The following PM20D1 variants were observed in gnomAD, a reference collection of about 807,000 sequenced individuals.
PM20D1 encodes peptidase M20 domain containing 1.
PM20D1 carries 53 observed loss-of-function variants against 53.8 expected under a neutral mutation model. The observed-to-expected ratio is 0.98, with a 90% CI of 0.79 to 1.24. The LOEUF is 1.24. Ranked by LOEUF, PM20D1 falls within the 50% of genes most tolerant of loss-of-function variation. The pLI, the probability that PM20D1 is intolerant of heterozygous loss-of-function variation, is 0.00. For synonymous variants in PM20D1, 239 were observed against 241.3 expected (o/e 0.99, Z 0.09); for missense variants, 564 against 616.8 (o/e 0.91, Z 0.91).
intron 5 of PM20D1, 138 bp downstream of exon 5, chr1:205,843,949 G>A: frequency 6.8e-7 from 1 of 1,468,192 alleles, no homozygotes; most frequent in Non-Finnish European, 9.2e-7. Context: ...AAGCCTAGGA[G>A]AGGTTAAAGA....
At chr1:205,839,661 C>T (rs974597924) in intron 10 of PM20D1, among the ~76,000 whole-genome samples, 13 of 151,972 alleles carry the variant, frequency 8.6e-5, no homozygotes, top group South Asian at 4.2e-4. Context: ...CTGGCTAACA[C>T]GGTGAAACAC....
chr1:205,829,317 C>A (rs1202832072), intron 12 of PM20D1, among the ~76,000 whole-genome samples: 2 of 152,158 alleles, frequency 1.3e-5, no homozygotes, highest in Non-Finnish European at 2.9e-5. Flanking sequence ...GTGTGAGTCA[C>A]CACACTTGGC....
chr1:205,845,230 T>C, intron 3 of PM20D1, 95 bp downstream of exon 3: 1 of 1,272,600 alleles, frequency 7.9e-7, no homozygotes, highest in South Asian at 1.3e-5. Flanking sequence ...CAAGATTCTT[T>C]TTACCATTAT....
At chr1:205,844,687 A>G in intron 4 of PM20D1, 124 bp downstream of exon 4, 1 of 786,744 alleles carries the variant, frequency 1.3e-6, no homozygotes, top group Non-Finnish European at 2.0e-6. Flanking sequence ...AGACACACGG[A>G]GAAGTTGGCA....
At chr1:205,842,794 C>A (rs1340329045) in intron 6 of PM20D1, 43 bp from the exon 7 acceptor site, 1 of 1,583,174 alleles carries the variant, frequency 6.3e-7, no homozygotes, top group African/African-American at 1.3e-5. Flanking sequence ...GAACCCCAGC[C>A]AAAGATCAGT....
intron 10 of PM20D1, among the ~76,000 whole-genome samples, chr1:205,839,636 G>C (rs1656758879): frequency 6.6e-6 from 1 of 152,020 alleles, no homozygotes; most frequent in Non-Finnish European, 1.5e-5. Context: ...ACAAGGTCAG[G>C]AGATCAAGAC....
At chr1:205,829,274 C>A (rs776321249) in intron 12 of PM20D1, among the ~76,000 whole-genome samples, 4 of 152,180 alleles carry the variant, frequency 2.6e-5, no homozygotes, top group Non-Finnish European at 4.4e-5. Context: ...AGTGAGCCTC[C>A]TGCCTCAGCC....
intron 8 of PM20D1, 124 bp from the exon 9 acceptor site, chr1:205,842,013 G>T: frequency 1.7e-6 from 2 of 1,196,412 alleles, no homozygotes; most frequent in Non-Finnish European, 2.4e-6. Context: ...TCTTAGAGAT[G>T]TCTTAAATAT....
chr1:205,830,002 A>G, intron 12 of PM20D1: 1 of 330,348 alleles, frequency 3.0e-6, no homozygotes. Context: ...AGCTGGGATT[A>G]GCACCCAAGG....
chr1:205,840,178 A>G (rs1656775112), intron 10 of PM20D1, 74 bp downstream of exon 10: 2 of 1,368,620 alleles, frequency 1.5e-6, no homozygotes, highest in Non-Finnish European at 2.0e-6. Context: ...CTAGGACTGT[A>G]GTTAAACCCG....
At chr1:205,828,773 G>A in intron 12 of PM20D1, 30 bp from the exon 13 acceptor site, 1 of 1,613,032 alleles carries the variant, frequency 6.2e-7, no homozygotes, top group Non-Finnish European at 8.5e-7. Context: ...TTTAGGGAAG[G>A]AGGGGAGGGC....
chr1:205,836,032 T>A (rs1206515706), intron 10 of PM20D1, among the ~76,000 whole-genome samples: 1 of 152,078 alleles, frequency 6.6e-6, no homozygotes, highest in African/African-American at 2.4e-5. Context: ...CCCACCACCA[T>A]GCCCAGCTAA....
chr1:205,849,756 G>A (rs1358237032), intron 1 of PM20D1, 148 bp downstream of exon 1: 7 of 979,850 alleles, frequency 7.1e-6, no homozygotes, highest in Non-Finnish European at 7.3e-6. Flanking sequence ...GATGTGCTGG[G>A]AAGGGTGTTG....
At chr1:205,835,231 C>T (rs931313267) in intron 10 of PM20D1, among the ~76,000 whole-genome samples, 1 of 152,116 alleles carries the variant, frequency 6.6e-6, no homozygotes, top group Non-Finnish European at 1.5e-5. Context: ...GGTAACAGAT[C>T]GTCTGAGCAT....
At position 205,849,960 on chromosome 1, in the gene PM20D1, C is replaced by T; in HGVS notation, c.113G>A (p.Arg38Gln). ...PRSGEHQRAS[R>Q]IPSQFSKEER... Reference sequence around the variant, plus strand: ...CTCTTTGCTGAACTGAGAAGGGATTCGCGACGCCCTTTGATGCTCCCCGCT... The same window carrying T: ...CTCTTTGCTGAACTGAGAAGGGATTTGCGACGCCCTTTGATGCTCCCCGCT... The change falls in exon 1 of 13, where the codon CGA becomes CAA. Residue 38 changes from arginine to glutamine, a missense_variant. Physicochemically the swap from Arg to Gln is conservative, Grantham distance 43. Transcript: ENST00000367136. The T allele has an allele frequency of 6.2e-7, 1 of 1,614,084 alleles. No individual in the cohort carries two copies. The highest frequency in any genetic ancestry group is 1.1e-5 in the South Asian group (1 of 91,074).
intron 2 of PM20D1, among the ~76,000 whole-genome samples, chr1:205,846,097 A>AAT (rs1656950697): frequency 6.7e-6 from 1 of 150,152 alleles, no homozygotes; most frequent in Non-Finnish European, 1.5e-5. Context: ...AAAAAAAAAA[A>AAT]AAGACTCGGC....
intron 11 of PM20D1, among the ~76,000 whole-genome samples, chr1:205,832,307 T>C (rs968377530): frequency 6.6e-6 from 1 of 152,194 alleles, no homozygotes; most frequent in Non-Finnish European, 1.5e-5. Context: ...CTTCTGTGGC[T>C]CCTAGAGAGG....
chr1:205,833,123 G>GCAAT (rs1157484468), intron 10 of PM20D1, among the ~76,000 whole-genome samples: 1 of 152,240 alleles, frequency 6.6e-6, no homozygotes, highest in Non-Finnish European at 1.5e-5. Flanking sequence ...TCACTACAGA[G>GCAAT]CAATGCCTGG....
chr1:205,848,982 T>A (rs1657066742), intron 1 of PM20D1, among the ~76,000 whole-genome samples: 1 of 152,216 alleles, frequency 6.6e-6, no homozygotes, highest in Non-Finnish European at 1.5e-5. Flanking sequence ...GTGCAGACTG[T>A]GAGTGGCTGT....
Sources: gnomAD v4.1 joint callset for allele counts (sites outside exome capture counted in the v4.1 genomes callset) on GRCh38, gnomAD v4.1.1 for gene constraint, MANE v1.5 for transcripts, NCBI Gene and HGNC (gene_info 2026-07-23, HGNC 2026-07-21) for gene names.